GLS2: variants seen among roughly 807,000 people sequenced by gnomAD.
GLS2 encodes the protein glutaminase 2.
In GLS2, 52 loss-of-function variants were observed where a neutral mutation model predicts 79.0. The ratio of observed to expected loss-of-function variants is 0.66; its 90% CI spans 0.53 to 0.83. The LOEUF (loss-of-function observed/expected upper bound fraction) is 0.83, where lower values mean the gene tolerates loss of function less well. Among genes scored for constraint, GLS2 ranks in the 40% least tolerant of loss-of-function variants. GLS2 has a pLI of 0.00. For synonymous variants in GLS2, 238 were observed against 280.8 expected (o/e 0.85, Z 1.52); for missense variants, 561 against 764.8 (o/e 0.73, Z 3.14).
At chr12:56,479,959 A>C in intron 2 of GLS2, 58 bp from the exon 3 acceptor site, 1 of 1,577,730 alleles carries the variant, frequency 6.3e-7, no homozygotes, top group Non-Finnish European at 8.6e-7. Context: ...TGTACTCCTC[A>C]TAATCTTTCC....
chr12:56,472,543 CCTT>C (rs1460873414), intron 15 of GLS2, 144 bp downstream of exon 15: 4 of 703,010 alleles, frequency 5.7e-6, no homozygotes, highest in African/African-American at 5.4e-5. Context: ...AAAAAAATCT[CCTT>C]TTTTAAAAAA....
At chr12:56,478,314 G>C in intron 4 of GLS2, 52 bp from the exon 5 acceptor site, 5 of 1,573,590 alleles carry the variant, frequency 3.2e-6, no homozygotes, top group Non-Finnish European at 2.6e-6. Context: ...AAGAGGAACA[G>C]AGTTGAGGTT....
Position 56,473,264 on chromosome 12 carries a change from C to T in GLS2, c.1413G>A (p.Arg471=). The T allele has an allele frequency of 6.2e-7, 1 of 1,614,106 alleles. No homozygotes were observed. Among genetic ancestry groups the T allele is most frequent in the Non-Finnish European group, 8.5e-7 (1 of 1,180,032 alleles). ...HNYDNLRHCA[R]KLDPRREGAE... is the part of the protein sequence containing the mutation. ...CCCCTTCACGCCGTGGGTCTAACTT[C>T]CGAGCACAGTGCCTCAGGTTGTCAT... Residue 471 remains arginine, a synonymous_variant, in exon 14 of 18, where the codon CGG becomes CGA. Coordinates refer to ENST00000311966, the MANE Select transcript of GLS2 (RefSeq NM_013267.4).
At chr12:56,477,487 C>G in intron 7 of GLS2, 173 bp downstream of exon 7, 1 of 624,094 alleles carries the variant, frequency 1.6e-6, no homozygotes, top group Non-Finnish European at 2.8e-6. Flanking sequence ...GTCTCTTATA[C>G]TGACATTGTC....
chr12:56,474,902 AG>A lies in GLS2; in HGVS notation c.997-7del, dbSNP rs551221770. Reference sequence around the variant, plus strand: ...TCCACCCCCTTAGGAAAGCACTGCAAGGAAGAGAGGGGAGAGCATTTCTCTT... The same window carrying A: ...TCCACCCCCTTAGGAAAGCACTGCAAGAAGAGAGGGGAGAGCATTTCTCTT... On this transcript the variant is annotated splice_region_variant and splice_polypyrimidine_tract_variant and intron_variant, in intron 10 of 17. Transcript: ENST00000311966. 250 of 1,614,140 alleles carry A rather than the reference AG, an allele frequency of 1.5e-4. 4 individuals carry two copies. In the South Asian group the frequency reaches 2.7e-3, roughly 17 times the overall value.
rs1439393810 is a variant in GLS2 at position 56,487,919 on chromosome 12, C to T, written c.182+18G>A. On this transcript the variant is annotated intron_variant, in intron 1 of 17. Transcript: ENST00000311966. The stretch of plus-strand genomic sequence containing the variant: ...AGTGGGGGCAAGCCCGTCCCCTGCC[C>T]TGTCCCAGGAGCCTTACTGATCCTG... The T allele has an allele frequency of 3.8e-6, 6 of 1,599,782 alleles. No homozygotes were observed. The highest frequency in any genetic ancestry group is 1.7e-5 in the Admixed American group (1 of 59,500).
intron 2 of GLS2, 100 bp from the exon 3 acceptor site, chr12:56,480,001 A>G: frequency 6.9e-7 from 1 of 1,450,230 alleles, no homozygotes; most frequent in East Asian, 2.3e-5. Flanking sequence ...AACCCCAACC[A>G]CTACAATAGG....
Position 56,472,213 on chromosome 12 carries a change from G to A in GLS2, c.1512-18C>T. The A allele has an allele frequency of 6.2e-7, 1 of 1,612,420 alleles. No homozygotes were observed. Among genetic ancestry groups the A allele is most frequent in the Admixed American group, 1.7e-5 (1 of 60,000 alleles). Reference sequence around the variant, plus strand: ...AGGCAAACCTGAGGGTAGTGGGAAAGCAGCTAGAGTTGCCTAGATCAGACT... The same window carrying A: ...AGGCAAACCTGAGGGTAGTGGGAAAACAGCTAGAGTTGCCTAGATCAGACT... On this transcript the variant is annotated intron_variant, in intron 15 of 17. Transcript: ENST00000311966.
chr12:56,477,198 G>C (rs1869900077), intron 7 of GLS2: 1 of 153,064 alleles, frequency 6.5e-6, no homozygotes, highest in Non-Finnish European at 1.5e-5. Flanking sequence ...ACAGCTGATG[G>C]GCTAGTCTGA....
chr12:56,488,010 G>A lies in GLS2; in HGVS notation c.109C>T (p.Arg37Trp), dbSNP rs753137091. The change falls in exon 1 of 18, where the codon CGG becomes TGG. Residue 37 changes from arginine (R) to tryptophan (W), a missense_variant. Arg to Trp is a moderately radical substitution (Grantham distance 101). Transcript: ENST00000311966. ...GCCGCGGCCTCACTGAGGTGGTGCC[G>A]GACGCCCCCGCCAAGGAGGGGGCTC... ...SRSPLLGGGV[R>W]HHLSEAAAQG... 8.8e-6 allele frequency: 14 copies of A among 1,598,284 alleles called. No individual in the cohort carries two copies. In the East Asian group the frequency reaches 2.0e-4, roughly 23 times the overall value.
chr12:56,484,687 A>G (rs1485082412), intron 1 of GLS2, among the ~76,000 whole-genome samples: 2 of 152,178 alleles, frequency 1.3e-5, no homozygotes, highest in African/African-American at 4.8e-5. Flanking sequence ...ATGCTATACC[A>G]CTGAATGTAT....
chr12:56,474,734 G>T lies in GLS2; in HGVS notation c.1048-14C>A. On this transcript the variant is annotated splice_polypyrimidine_tract_variant and intron_variant, in intron 11 of 17. Coordinates refer to ENST00000311966, the MANE Select transcript of GLS2 (RefSeq NM_013267.4). ...CACAGAACACAGCTATGAAAACAAA[G>T]AATAGGTGAAGATGTGACGTGAACC... The T allele has an allele frequency of 6.2e-7, 1 of 1,608,628 alleles. No homozygotes were observed. The highest frequency in any genetic ancestry group is 8.5e-7 in the Non-Finnish European group (1 of 1,176,428).
intron 16 of GLS2, 53 bp downstream of exon 16, chr12:56,472,066 A>C: frequency 6.3e-7 from 1 of 1,583,734 alleles, no homozygotes; most frequent in African/African-American, 1.3e-5. Context: ...TTTTGGTGAA[A>C]AAGAAAGGGT....
intron 9 of GLS2, 50 bp downstream of exon 9, chr12:56,475,574 A>G: frequency 6.3e-7 from 1 of 1,575,798 alleles, no homozygotes; most frequent in Non-Finnish European, 8.7e-7. Context: ...TCCTAAGTAC[A>G]CACACATACA....
intron 6 of GLS2, 21 bp from the exon 7 acceptor site, chr12:56,477,739 A>G: frequency 1.2e-6 from 2 of 1,607,334 alleles, no homozygotes; most frequent in South Asian, 1.1e-5. Flanking sequence ...ACAAACCACC[A>G]AGAGTCTTAG....
chr12:56,472,885 CTTTTT>C (rs952399444), intron 14 of GLS2, 134 bp from the exon 15 acceptor site: 653 of 398,584 alleles, frequency 1.6e-3, no homozygotes, highest in East Asian at 2.4e-3. Flanking sequence ...CTGAAATATT[CTTTTT>C]TTTTTTTTTT....
At chr12:56,472,346 TC>T in intron 15 of GLS2, 151 bp from the exon 16 acceptor site, 1 of 667,882 alleles carries the variant, frequency 1.5e-6, no homozygotes, top group Non-Finnish European at 2.6e-6. Context: ...TTTTTCCATA[TC>T]CAGATGAGAC....
chr12:56,485,140 A>G lies in GLS2; in HGVS notation c.182+2797T>C, dbSNP rs535761343. On this transcript the variant is annotated intron_variant, in intron 1 of 17. Coordinates refer to ENST00000311966, the MANE Select transcript of GLS2 (RefSeq NM_013267.4). ...AAAAGATAAGTTCAAGAATATGACT[A>G]TTATCCCATTTTTGTTAAATTACAT... 3.9e-5 allele frequency among the ~76,000 whole-genome samples: 6 copies of G among 152,336 alleles called. No individual in the cohort carries two copies. The South Asian group carries it at 1.2e-3, about 32-fold the overall frequency.
chr12:56,480,069 A>T (rs1870162353), intron 2 of GLS2, among the ~76,000 whole-genome samples, 168 bp from the exon 3 acceptor site: 1 of 152,232 alleles, frequency 6.6e-6, no homozygotes, highest in Non-Finnish European at 1.5e-5. Flanking sequence ...CTGAAGGCTA[A>T]CAAGGGTTTC....
Sources: gnomAD v4.1 joint callset for allele counts (sites outside exome capture counted in the v4.1 genomes callset) on GRCh38, gnomAD v4.1.1 for gene constraint, MANE v1.5 for transcripts, NCBI Gene and HGNC (gene_info 2026-07-23, HGNC 2026-07-21) for gene names.